The following GPC5 variants were observed in gnomAD, a reference collection of about 807,000 sequenced individuals.
The protein encoded by GPC5 is glypican 5, also known as glypican-5.
In GPC5, 47 loss-of-function variants were observed where a neutral mutation model predicts 53.9. The ratio of observed to expected loss-of-function variants is 0.87; its 90% CI spans 0.69 to 1.11. The LOEUF (loss-of-function observed/expected upper bound fraction) is 1.11, where lower values mean the gene tolerates loss of function less well. GPC5 is among the 50% of genes most tolerant of loss of function. GPC5 has a pLI of 0.00. For synonymous variants in GPC5, 286 were observed against 263.3 expected (o/e 1.09, Z -0.84); for missense variants, 748 against 713.1 (o/e 1.05, Z -0.56).
chr13:91,482,259 G>A (rs1035190462), intron 2 of GPC5, among the ~76,000 whole-genome samples: 7 of 152,250 alleles, frequency 4.6e-5, no homozygotes, highest in Non-Finnish European at 7.4e-5. Flanking sequence ...CTGTTTATGC[G>A]AGGAACAGTG....
chr13:92,143,007 T>C (rs1181029039), intron 6 of GPC5, among the ~76,000 whole-genome samples: 1 of 152,214 alleles, frequency 6.6e-6, no homozygotes. Flanking sequence ...ATAGAATAGA[T>C]AATAATCAAA....
At chr13:92,788,080 C>T (rs1208772884) in intron 7 of GPC5, among the ~76,000 whole-genome samples, 1 of 151,868 alleles carries the variant, frequency 6.6e-6, no homozygotes, top group East Asian at 1.9e-4. Context: ...AAACCTGTAC[C>T]TGATATTAAA....
chr13:92,041,793 C>T (rs2040944000), intron 6 of GPC5, among the ~76,000 whole-genome samples: 1 of 152,200 alleles, frequency 6.6e-6, no homozygotes, highest in Non-Finnish European at 1.5e-5. Context: ...GAAAGTGAGA[C>T]ATTATCAGCA....
At chr13:92,411,255 G>A (rs1876030824) in intron 7 of GPC5, among the ~76,000 whole-genome samples, 1 of 152,036 alleles carries the variant, frequency 6.6e-6, no homozygotes, top group Admixed American at 6.6e-5. Flanking sequence ...GGGTGACATA[G>A]CGAGACTCTA....
chr13:92,093,416 A>G (rs1264846395), intron 6 of GPC5, among the ~76,000 whole-genome samples: 1 of 152,190 alleles, frequency 6.6e-6, no homozygotes. Context: ...ATAGATGTGC[A>G]AGTATATGTA....
At chr13:92,143,895 G>A (rs2041848212) in intron 6 of GPC5, among the ~76,000 whole-genome samples, 1 of 152,070 alleles carries the variant, frequency 6.6e-6, no homozygotes, top group Non-Finnish European at 1.5e-5. Flanking sequence ...CTTTCATAAA[G>A]TGCTGTGAAA....
intron 6 of GPC5, among the ~76,000 whole-genome samples, chr13:91,982,317 G>A (rs1386766286): frequency 6.6e-6 from 1 of 152,204 alleles, no homozygotes; most frequent in Non-Finnish European, 1.5e-5. Flanking sequence ...AAATGTGTGA[G>A]AGGTGTTCAG....
At chr13:91,646,065 G>T (rs945132154) in intron 2 of GPC5, among the ~76,000 whole-genome samples, 5 of 152,168 alleles carry the variant, frequency 3.3e-5, no homozygotes, top group Admixed American at 1.3e-4. Flanking sequence ...GTTTCCAAAT[G>T]CTGTATTAAA....
intron 4 of GPC5, among the ~76,000 whole-genome samples, chr13:91,746,384 T>C (rs1325776097): frequency 6.6e-6 from 1 of 152,200 alleles, no homozygotes; most frequent in African/African-American, 2.4e-5. Context: ...ACAAGCAGTC[T>C]GAGACATTTC....
At chr13:91,820,918 G>A (rs536893002) in intron 5 of GPC5, among the ~76,000 whole-genome samples, 4 of 151,522 alleles carry the variant, frequency 2.6e-5, no homozygotes, top group South Asian at 2.1e-4. Flanking sequence ...AGCTGAGATC[G>A]TGCCACTGCA....
intron 5 of GPC5, among the ~76,000 whole-genome samples, chr13:91,780,368 C>G (rs541059422): frequency 3.9e-5 from 6 of 152,266 alleles, no homozygotes; most frequent in Admixed American, 3.9e-4. Flanking sequence ...AAGAACATTT[C>G]TCAAAGAATT....
chr13:92,505,752 C>A (rs1036020761), intron 7 of GPC5, among the ~76,000 whole-genome samples: 1 of 152,000 alleles, frequency 6.6e-6, no homozygotes, highest in African/African-American at 2.4e-5. Context: ...TGATACATCC[C>A]GACTATAGAA....
intron 5 of GPC5, among the ~76,000 whole-genome samples, chr13:91,830,188 C>A (rs1317951890): frequency 6.6e-6 from 1 of 152,012 alleles, no homozygotes; most frequent in Non-Finnish European, 1.5e-5. Context: ...TTCTCTTTCC[C>A]AGGGATGTTT....
intron 7 of GPC5, among the ~76,000 whole-genome samples, chr13:92,641,930 A>C (rs1418602837): frequency 2.0e-5 from 3 of 152,074 alleles, no homozygotes; most frequent in Admixed American, 6.6e-5. Context: ...ACTCCTGATC[A>C]ATCAGATAGA....
chr13:92,596,104 C>T (rs982204740), intron 7 of GPC5, among the ~76,000 whole-genome samples: 1 of 152,102 alleles, frequency 6.6e-6, no homozygotes, highest in African/African-American at 2.4e-5. Context: ...ATTTAACCCT[C>T]TTAATTTTTC....
intron 6 of GPC5, among the ~76,000 whole-genome samples, chr13:91,973,888 G>A (rs2040269552): frequency 6.6e-6 from 1 of 152,204 alleles, no homozygotes. Flanking sequence ...GTGTCAGTCT[G>A]CCCCTACAGG....
intron 7 of GPC5, among the ~76,000 whole-genome samples, chr13:92,251,663 T>C (rs1427777953): frequency 6.6e-6 from 1 of 152,104 alleles, no homozygotes; most frequent in Non-Finnish European, 1.5e-5. Context: ...GCACAGTGCC[T>C]AGCACATACA....
At chr13:91,455,798 G>T (rs1881500681) in intron 2 of GPC5, among the ~76,000 whole-genome samples, 2 of 151,950 alleles carry the variant, frequency 1.3e-5, no homozygotes, top group South Asian at 4.1e-4. Flanking sequence ...CATATTAGCT[G>T]TATATGATTT....
At chr13:91,768,178 G>C (rs573399854) in intron 5 of GPC5, among the ~76,000 whole-genome samples, 58 of 152,236 alleles carry the variant, frequency 3.8e-4, no homozygotes, top group African/African-American at 1.4e-3. Context: ...GAAAAGAACA[G>C]GCACCTATTC....
Sources: allele counts gnomAD v4.1 joint callset (sites outside exome capture counted in the v4.1 genomes callset), GRCh38; gene constraint gnomAD v4.1.1; transcripts MANE v1.5; gene names NCBI Gene and HGNC (gene_info 2026-07-23, HGNC 2026-07-21).